Variants in SMURF2 observed in about 807,000 individuals in gnomAD.
SMURF2 encodes the protein E3 ubiquitin-protein ligase SMURF2.
In SMURF2, 48 loss-of-function variants were observed where a neutral mutation model predicts 109.6. The observed-to-expected ratio is 0.44, with a 90% confidence interval of 0.35 to 0.56. The LOEUF is 0.56. Ranked by LOEUF, SMURF2 falls within the 20% of genes least tolerant of loss-of-function variation. SMURF2 has a pLI of 0.01. For synonymous variants in SMURF2, 288 were observed against 317.1 expected (o/e 0.91, Z 0.97); for missense variants, 575 against 909.0 (o/e 0.63, Z 4.72).
chr17:64,575,017 T>G (rs2144627779), intron 9 of SMURF2, among the ~76,000 whole-genome samples: 1 of 152,004 alleles, frequency 6.6e-6, no homozygotes, highest in Admixed American at 6.5e-5. Flanking sequence ...GACCTTCAAC[T>G]AGATAAACAG....
intron 16 of SMURF2, 44 bp downstream of exon 16, chr17:64,551,540 C>T: frequency 1.3e-6 from 2 of 1,587,050 alleles, no homozygotes; most frequent in South Asian, 2.3e-5. Flanking sequence ...AATTCCCAAT[C>T]CTTCCTTGTT....
intron 9 of SMURF2, among the ~76,000 whole-genome samples, chr17:64,578,064 G>A (rs1466003427): frequency 2.0e-5 from 3 of 150,680 alleles, no homozygotes; most frequent in Non-Finnish European, 4.4e-5. Context: ...CCCTGCCTCA[G>A]CCACCCGAGT....
intron 1 of SMURF2, among the ~76,000 whole-genome samples, chr17:64,621,454 C>A (rs1970200466): frequency 1.3e-5 from 2 of 151,806 alleles, no homozygotes; most frequent in African/African-American, 4.8e-5. Context: ...GTGGCGTGTG[C>A]CTGTAGTCCC....
intron 1 of SMURF2, 21 bp downstream of exon 1, chr17:64,661,808 C>G: frequency 8.2e-7 from 1 of 1,220,034 alleles, no homozygotes; most frequent in Non-Finnish European, 1.0e-6. Flanking sequence ...CTGCCCAGCC[C>G]GGCCCGCCGC....
At chr17:64,628,185 C>A (rs1555691312) in intron 1 of SMURF2, among the ~76,000 whole-genome samples, 3 of 152,120 alleles carry the variant, frequency 2.0e-5, no homozygotes, top group African/African-American at 7.2e-5. Context: ...TGTGGGTAGA[C>A]ATGGAGAGGA....
At chr17:64,556,025 C>T (rs782224383) in intron 13 of SMURF2, 27 bp from the exon 14 acceptor site, 5 of 1,496,372 alleles carry the variant, frequency 3.3e-6, no homozygotes, top group Non-Finnish European at 4.5e-6. Flanking sequence ...TATATATACT[C>T]GTTAGGCACT....
intron 5 of SMURF2, among the ~76,000 whole-genome samples, chr17:64,588,445 A>G (rs1969699260): frequency 6.6e-6 from 1 of 152,120 alleles, no homozygotes. Flanking sequence ...TATATACTTC[A>G]TCCTTTAAAA....
chr17:64,604,238 T>C (rs1969939043), intron 2 of SMURF2, among the ~76,000 whole-genome samples: 1 of 152,186 alleles, frequency 6.6e-6, no homozygotes, highest in African/African-American at 2.4e-5. Flanking sequence ...ACCATTCCTG[T>C]TTCTCTTTCC....
intron 2 of SMURF2, among the ~76,000 whole-genome samples, chr17:64,602,967 C>A (rs1969918872): frequency 6.6e-6 from 1 of 151,996 alleles, no homozygotes; most frequent in Admixed American, 6.6e-5. Flanking sequence ...TCTCCCCCAT[C>A]ATTTCTGAGA....
intron 10 of SMURF2, among the ~76,000 whole-genome samples, chr17:64,567,723 C>A (rs1969334023): frequency 6.6e-6 from 1 of 152,158 alleles, no homozygotes; most frequent in African/African-American, 2.4e-5. Context: ...GGCTCTATCA[C>A]CCAGGCTGGA....
At chr17:64,588,267 G>A (rs1475898831) in intron 5 of SMURF2, among the ~76,000 whole-genome samples, 2 of 151,888 alleles carry the variant, frequency 1.3e-5, no homozygotes, top group African/African-American at 4.8e-5. Flanking sequence ...AATGTAGCTG[G>A]GGCATAACAG....
chr17:64,618,850 A>T (rs1434953262), intron 1 of SMURF2, among the ~76,000 whole-genome samples: 1 of 152,212 alleles, frequency 6.6e-6, no homozygotes, highest in Non-Finnish European at 1.5e-5. Context: ...TTATAGAGGC[A>T]GTGTAATATA....
At chr17:64,627,859 C>G (rs189445043) in intron 1 of SMURF2, among the ~76,000 whole-genome samples, 4 of 152,322 alleles carry the variant, frequency 2.6e-5, no homozygotes, top group African/African-American at 4.8e-5. Context: ...TGGAAAAGGA[C>G]AGTTCATGAT....
intron 16 of SMURF2, among the ~76,000 whole-genome samples, chr17:64,549,565 G>A (rs1598266334): frequency 6.6e-6 from 1 of 151,656 alleles, no homozygotes; most frequent in South Asian, 2.1e-4. Flanking sequence ...AGACCGGCCT[G>A]GGCAACATGG....
At chr17:64,566,760 C>T (rs141329032) in intron 10 of SMURF2, among the ~76,000 whole-genome samples, 4,605 of 149,372 alleles carry the variant, frequency 0.031, 236 homozygotes, top group African/African-American at 0.11. Context: ...TTAGTAGAGA[C>T]GGGGTTTCAC....
At chr17:64,552,074 T>C (rs1423139177) in intron 15 of SMURF2, among the ~76,000 whole-genome samples, 2 of 152,170 alleles carry the variant, frequency 1.3e-5, no homozygotes, top group Non-Finnish European at 2.9e-5. Flanking sequence ...AATGACTTAT[T>C]TTTCTGATTT....
At chr17:64,559,624 A>G (rs1381058326) in intron 12 of SMURF2, among the ~76,000 whole-genome samples, 1 of 151,400 alleles carries the variant, frequency 6.6e-6, no homozygotes, top group Non-Finnish European at 1.5e-5. Context: ...ACTGACTACG[A>G]GCCAGGCATG....
rs1405934136 is a variant in SMURF2, at chr17:64,580,864, C to G, written c.697G>C (p.Val233Leu). Reference protein sequence around the residue: ...SSDPRLAERRVRSQRHRNYMS... With the variant: ...SSDPRLAERRLRSQRHRNYMS... ...TAATTTCTATGTCGTTGTGACCTGA[C>G]TCTCCTCTCTGCCAGCCTGGGATCT... Residue 233 changes from valine to leucine, a missense_variant, in exon 8 of 19, where the codon GTC (valine) becomes CTC (leucine). By Grantham distance (32) the Val-to-Leu change is conservative (BLOSUM62 1). Transcript: ENST00000262435. 3.1e-6 allele frequency: 5 copies of G among 1,614,072 alleles called. No homozygotes were observed. In the East Asian group the frequency reaches 1.1e-4, roughly 36 times the overall value.
intron 1 of SMURF2, among the ~76,000 whole-genome samples, chr17:64,628,765 C>A (rs370336367): frequency 7.9e-5 from 12 of 152,194 alleles, no homozygotes; most frequent in East Asian, 3.8e-4. Flanking sequence ...TCCGTGACTT[C>A]CTGCCTTGAA....
Sources: gnomAD v4.1 joint callset for allele counts (sites outside exome capture counted in the v4.1 genomes callset) on GRCh38, gnomAD v4.1.1 for gene constraint, MANE v1.5 for transcripts, NCBI Gene and HGNC (gene_info 2026-07-23, HGNC 2026-07-21) for gene names.